The following ZNF407 variants were observed in gnomAD, a reference collection of about 807,000 sequenced individuals.
ZNF407 encodes the protein zinc finger protein 407.
Under a neutral mutation model 131.2 loss-of-function variants are expected in ZNF407, and 17 were observed. The observed-to-expected ratio is 0.13, with a 90% CI of 0.09 to 0.19. The LOEUF (loss-of-function observed/expected upper bound fraction) is 0.19. ZNF407 is among the 10% of genes least tolerant of loss of function. The pLI is 1.00. For missense variants in ZNF407, 2,681 were observed against 2,830.6 expected, an observed-to-expected ratio of 0.95 and a Z score of 1.20; for synonymous variants, 1,156 against 1,062.0, an observed-to-expected ratio of 1.09 and a Z score of -1.72.
chr18:75,019,867 AC>A (rs1188451454), intron 8 of ZNF407, among the ~76,000 whole-genome samples: 2 of 152,082 alleles, frequency 1.3e-5, no homozygotes, highest in Non-Finnish European at 2.9e-5. Context: ...ACACTTTTGA[AC>A]AACCAGGTCT....
At chr18:75,055,646 A>G (rs541643125) in intron 8 of ZNF407, among the ~76,000 whole-genome samples, 2 of 152,124 alleles carry the variant, frequency 1.3e-5, no homozygotes, top group African/African-American at 4.8e-5. Context: ...GCCCATGGAG[A>G]CTATTCTTGG....
chr18:75,040,120 T>C (rs1292510425), intron 8 of ZNF407, among the ~76,000 whole-genome samples: 1 of 152,154 alleles, frequency 6.6e-6, no homozygotes, highest in East Asian at 1.9e-4. Context: ...GCCCCCAAAA[T>C]TCTGTGCTGC....
intron 4 of ZNF407, among the ~76,000 whole-genome samples, chr18:74,824,330 A>G (rs1970380304): frequency 6.6e-6 from 1 of 152,214 alleles, no homozygotes; most frequent in Non-Finnish European, 1.5e-5. Context: ...AACAAGTTCA[A>G]AAGCTAGCGG....
intron 4 of ZNF407, among the ~76,000 whole-genome samples, chr18:74,792,180 G>C (rs1299295502): frequency 6.6e-6 from 1 of 151,952 alleles, no homozygotes; most frequent in African/African-American, 2.4e-5. Flanking sequence ...TCATTTTAAA[G>C]ATACTAATTT....
intron 8 of ZNF407, among the ~76,000 whole-genome samples, chr18:74,988,151 T>A (rs1470764141): frequency 6.6e-6 from 1 of 152,200 alleles, no homozygotes; most frequent in Non-Finnish European, 1.5e-5. Context: ...TTCAACAAGA[T>A]GCCAAGGAGG....
chr18:74,719,493 G>A (rs996513708), intron 3 of ZNF407, among the ~76,000 whole-genome samples: 2 of 152,130 alleles, frequency 1.3e-5, no homozygotes, highest in Non-Finnish European at 2.9e-5. Flanking sequence ...TCCGCCTCCC[G>A]GGTTCACGCC....
intron 3 of ZNF407, among the ~76,000 whole-genome samples, chr18:74,682,952 C>G (rs1568164943): frequency 6.6e-6 from 1 of 152,134 alleles, no homozygotes; most frequent in Non-Finnish European, 1.5e-5. Context: ...AAGAGATACG[C>G]GGCAGGTTCT....
intron 4 of ZNF407, among the ~76,000 whole-genome samples, chr18:74,874,159 C>G (rs1012617687): frequency 1.3e-5 from 2 of 152,114 alleles, no homozygotes; most frequent in Non-Finnish European, 2.9e-5. Context: ...GCCCAGCTCT[C>G]TCTTCTGGGC....
intron 3 of ZNF407, among the ~76,000 whole-genome samples, chr18:74,774,468 C>CA (rs1599142724): frequency 6.6e-6 from 1 of 152,100 alleles, no homozygotes; most frequent in Admixed American, 6.5e-5. Context: ...CTACCTTAAA[C>CA]AAATAGTCAA....
At chr18:74,649,352 T>C (rs1372652938) in intron 3 of ZNF407, among the ~76,000 whole-genome samples, 3 of 152,194 alleles carry the variant, frequency 2.0e-5, no homozygotes, top group African/African-American at 4.8e-5. Flanking sequence ...CTCTAGTCTA[T>C]TTTAGAAGTG....
At chr18:74,644,410 GT>G (rs1284724086) in intron 3 of ZNF407, among the ~76,000 whole-genome samples, 2 of 151,626 alleles carry the variant, frequency 1.3e-5, no homozygotes, top group Non-Finnish European at 3.0e-5. Flanking sequence ...ATAATTTTGT[GT>G]TTAGAAAATA....
intron 4 of ZNF407, among the ~76,000 whole-genome samples, chr18:74,860,304 AAACG>A (rs1331130296): frequency 7.4e-5 from 11 of 148,040 alleles, no homozygotes; most frequent in Non-Finnish European, 1.4e-4. Context: ...CTCTTAAAAA[AAACG>A]AAGAAGAAGA....
chr18:74,603,399 T>C (rs1049741898), intron 1 of ZNF407, among the ~76,000 whole-genome samples: 4 of 152,234 alleles, frequency 2.6e-5, no homozygotes, highest in Non-Finnish European at 5.9e-5. Flanking sequence ...CTAGGGCTGC[T>C]CTCCAGAGAC....
intron 7 of ZNF407, among the ~76,000 whole-genome samples, chr18:74,890,366 T>G (rs1353318399): frequency 6.6e-6 from 1 of 152,116 alleles, no homozygotes; most frequent in African/African-American, 2.4e-5. Flanking sequence ...TCACCCAGAG[T>G]CTATACTTTC....
intron 8 of ZNF407, among the ~76,000 whole-genome samples, chr18:74,974,308 G>A (rs1010205154): frequency 1.3e-5 from 2 of 152,154 alleles, no homozygotes; most frequent in African/African-American, 4.8e-5. Context: ...CATCTTTGTA[G>A]TGAGCATCAA....
At chr18:74,692,925 T>C (rs1967262312) in intron 3 of ZNF407, among the ~76,000 whole-genome samples, 1 of 152,180 alleles carries the variant, frequency 6.6e-6, no homozygotes, top group African/African-American at 2.4e-5. Flanking sequence ...TGGTAGCAGT[T>C]TGGCTTTGTG....
intron 3 of ZNF407, among the ~76,000 whole-genome samples, chr18:74,718,249 A>T (rs558003335): frequency 6.7e-6 from 1 of 150,334 alleles, no homozygotes; most frequent in Non-Finnish European, 1.5e-5. Context: ...ACCAGAGATT[A>T]CTTTTCGTCA....
intron 3 of ZNF407, among the ~76,000 whole-genome samples, chr18:74,775,130 G>GAACA (rs1240070508): frequency 1.3e-5 from 2 of 152,170 alleles, no homozygotes; most frequent in African/African-American, 4.8e-5. Context: ...AATTAGATAT[G>GAACA]AAGTTGTTTA....
At chr18:74,701,257 T>C (rs1425075582) in intron 3 of ZNF407, among the ~76,000 whole-genome samples, 1 of 152,184 alleles carries the variant, frequency 6.6e-6, no homozygotes, top group Non-Finnish European at 1.5e-5. Context: ...ACTGAGACAG[T>C]AGGCAATTAT....
Sources: gnomAD v4.1 joint callset for allele counts (sites outside exome capture counted in the v4.1 genomes callset) on GRCh38, gnomAD v4.1.1 for gene constraint, MANE v1.5 for transcripts, NCBI Gene and HGNC (gene_info 2026-07-23, HGNC 2026-07-21) for gene names.